The following CAV3 variants were observed in gnomAD, a reference collection of about 807,000 sequenced individuals.
The protein encoded by CAV3 is caveolin-3.
A neutral mutation model predicts 13.4 loss-of-function variants in CAV3; 10 were observed. The ratio of observed to expected loss-of-function variants is 0.75; its 90% CI spans 0.46 to 1.27. CAV3 has a LOEUF of 1.27. Among genes scored for constraint, CAV3 ranks in the 50% most tolerant of loss-of-function variants. CAV3 has a pLI of 0.00. For missense variants in CAV3, 162 were observed against 194.0 expected (o/e 0.83, Z 0.98); for synonymous variants, 90 against 79.0 (o/e 1.14, Z -0.74).
At chr3:8,734,924 G>C in intron 1 of CAV3, among the ~76,000 whole-genome samples, 1 of 152,112 alleles carries the variant, frequency 6.6e-6, no homozygotes, top group Admixed American at 6.5e-5. Flanking sequence ...TCATTATGTT[G>C]ACCAAGCTGG....
At chr3:8,737,562 G>A (rs1259049396) in intron 1 of CAV3, among the ~76,000 whole-genome samples, 1 of 152,142 alleles carries the variant, frequency 6.6e-6, no homozygotes, top group East Asian at 1.9e-4. Context: ...TGGTCTCCAA[G>A]GCTCGGGACT....
chr3:8,743,387 C>T (rs1708041560), intron 1 of CAV3, among the ~76,000 whole-genome samples: 1 of 152,066 alleles, frequency 6.6e-6, no homozygotes, highest in Admixed American at 6.6e-5. Context: ...CCCGAAGTCC[C>T]CTAAATTCCC....
At chr3:8,739,700 C>A (rs1022198005) in intron 1 of CAV3, among the ~76,000 whole-genome samples, 1 of 152,098 alleles carries the variant, frequency 6.6e-6, no homozygotes, top group Non-Finnish European at 1.5e-5. Context: ...ATAGAAGACA[C>A]CTGGAGCCCA....
chr3:8,739,673 C>G (rs1031936744), intron 1 of CAV3, among the ~76,000 whole-genome samples: 11 of 151,982 alleles, frequency 7.2e-5, no homozygotes, highest in African/African-American at 2.4e-4. Flanking sequence ...TGTCAGCAAC[C>G]AAGTCCCATT....
intron 1 of CAV3, among the ~76,000 whole-genome samples, chr3:8,737,619 TG>T (rs1030403206): frequency 2.0e-5 from 3 of 152,108 alleles, no homozygotes; most frequent in African/African-American, 7.2e-5. Context: ...GCTGAGGAAC[TG>T]GGGGGAGCAC....
In CAV3 at chr3:8,745,060, C is replaced by G; in HGVS notation, c.115-466C>G. 6.0e-6 allele frequency: 1 copy of G among 166,134 alleles called. No homozygotes were observed. The highest frequency in any genetic ancestry group is 1.3e-5 in the Non-Finnish European group (1 of 75,442). 10.3% of individuals were successfully genotyped at this position (166,134 alleles called of 1,614,324 possible). A position where few individuals can be genotyped will look rare whatever the true frequency, so the allele number is the denominator to read the frequency against. Reference sequence around the variant, plus strand: ...ATAATCTCCAATATTGGAGGTGGGGCCGGGTGGGAGGTGATCGGATCACAG... The same window carrying G: ...ATAATCTCCAATATTGGAGGTGGGGGCGGGTGGGAGGTGATCGGATCACAG... On this transcript the variant is annotated intron_variant, in intron 1 of 1. Coordinates refer to ENST00000343849, the MANE Select transcript of CAV3 (RefSeq NM_033337.3). This position sits in a 1 kb window ranked among gnomAD's most constrained non-coding sequence, Gnocchi z 4.8.
At chr3:8,738,351 C>T (rs1037660406) in intron 1 of CAV3, among the ~76,000 whole-genome samples, 10 of 152,182 alleles carry the variant, frequency 6.6e-5, no homozygotes, top group Non-Finnish European at 1.5e-4. Flanking sequence ...TACACAACAC[C>T]CAGAGGAACC....
chr3:8,734,928 A>G (rs1360936641), intron 1 of CAV3, among the ~76,000 whole-genome samples: 1 of 152,142 alleles, frequency 6.6e-6, no homozygotes, highest in Non-Finnish European at 1.5e-5. Flanking sequence ...TATGTTGACC[A>G]AGCTGGTATC....
chr3:8,746,083 C>A lies in CAV3; in HGVS notation c.*216C>A. Reference sequence around the variant, plus strand: ...GCTCTCCCCCAGCCCCACCATGATGCCCCCATGCCTGGGCGTGGGGGAAGA... The same window carrying A: ...GCTCTCCCCCAGCCCCACCATGATGACCCCATGCCTGGGCGTGGGGGAAGA... On this transcript the variant is annotated 3_prime_UTR_variant, in exon 2 of 2. Coordinates refer to ENST00000343849, the MANE Select transcript of CAV3 (RefSeq NM_033337.3). The A allele has an allele frequency of 1.9e-6, 1 of 539,810 alleles. No homozygotes were observed. The highest frequency in any genetic ancestry group is 2.6e-5 in the South Asian group (1 of 37,942). 33.4% of individuals were successfully genotyped at this position (539,810 alleles called of 1,614,324 possible). A position where few individuals can be genotyped will look rare whatever the true frequency, so the allele number is the denominator to read the frequency against.
intron 1 of CAV3, among the ~76,000 whole-genome samples, chr3:8,744,247 G>A (rs1224138426): frequency 6.6e-6 from 1 of 150,848 alleles, no homozygotes; most frequent in Non-Finnish European, 1.5e-5. Flanking sequence ...AGCTAATTTG[G>A]TTCACTGCTG....
chr3:8,734,931 C>T (rs1282416287), intron 1 of CAV3, among the ~76,000 whole-genome samples: 1 of 152,172 alleles, frequency 6.6e-6, no homozygotes, highest in Non-Finnish European at 1.5e-5. Flanking sequence ...GTTGACCAAG[C>T]TGGTATCAAA....
At chr3:8,735,470 G>A (rs1707722301) in intron 1 of CAV3, among the ~76,000 whole-genome samples, 1 of 152,176 alleles carries the variant, frequency 6.6e-6, no homozygotes, top group Non-Finnish European at 1.5e-5. Context: ...TCGCATGCCT[G>A]TACTGTTTCA....
In CAV3 at chr3:8,745,814, G is replaced by A; in HGVS notation, c.403G>A (p.Ala135Thr). ...IRTFCNPLFA[A>T]LGQVCSSIKV... The stretch of plus-strand genomic sequence containing the variant: ...CACCTTCTGCAACCCACTCTTCGCG[G>A]CCCTGGGCCAGGTCTGCAGCAGCAT... The change falls in exon 2 of 2, where the codon GCC becomes ACC. Residue 135 changes from alanine to threonine, a missense_variant. By Grantham distance (58) the Ala-to-Thr change is moderately conservative. Transcript: ENST00000343849. This position sits in a 1 kb window ranked among gnomAD's most constrained non-coding sequence, Gnocchi z 4.8. 6.2e-7 allele frequency: 1 copy of A among 1,613,752 alleles called. No homozygotes were observed. The highest frequency in any genetic ancestry group is 8.5e-7 in the Non-Finnish European group (1 of 1,180,030).
chr3:8,739,769 A>G (rs948282514), intron 1 of CAV3, among the ~76,000 whole-genome samples: 20 of 152,192 alleles, frequency 1.3e-4, no homozygotes, highest in African/African-American at 4.8e-4. Context: ...GTGAGTAACA[A>G]ATCATTCCAA....
chr3:8,739,185 T>G (rs1707859979), intron 1 of CAV3, among the ~76,000 whole-genome samples: 1 of 152,176 alleles, frequency 6.6e-6, no homozygotes, highest in African/African-American at 2.4e-5. Flanking sequence ...CTAGAGTTTT[T>G]CAAAATGCAG....
intron 1 of CAV3, among the ~76,000 whole-genome samples, 187 bp downstream of exon 1, chr3:8,734,177 T>C (rs1488544119): frequency 7.7e-6 from 1 of 129,774 alleles, no homozygotes; most frequent in East Asian, 2.5e-4. Flanking sequence ...CACCGAAGGA[T>C]CTTTAGCAAA....
intron 1 of CAV3, among the ~76,000 whole-genome samples, chr3:8,744,434 A>G (rs1352502811): frequency 6.8e-6 from 1 of 146,314 alleles, no homozygotes; most frequent in Non-Finnish European, 1.5e-5. Context: ...ACCCGCTGCC[A>G]TACCCGGCTA....
intron 1 of CAV3, among the ~76,000 whole-genome samples, chr3:8,738,939 G>A (rs770472165): frequency 3.9e-5 from 6 of 152,200 alleles, no homozygotes; most frequent in Admixed American, 1.3e-4. Context: ...ATGAACTATC[G>A]AAGAGGATTA....
chr3:8,734,775 G>T (rs1408121905), intron 1 of CAV3, among the ~76,000 whole-genome samples: 2 of 152,216 alleles, frequency 1.3e-5, no homozygotes, highest in East Asian at 1.9e-4. Flanking sequence ...CTGGAGTGCA[G>T]TCGCACACTC....
Sources: gnomAD v4.1 joint callset for allele counts (sites outside exome capture counted in the v4.1 genomes callset) on GRCh38, gnomAD v4.1.1 for gene constraint, Gnocchi (gnomAD v3.1) non-coding constraint, MANE v1.5 for transcripts, NCBI Gene and HGNC (gene_info 2026-07-23, HGNC 2026-07-21) for gene names.